The following FOXP2 variants were observed in gnomAD, a reference collection of about 807,000 sequenced individuals.
FOXP2 encodes the protein forkhead box P2.
FOXP2 carries 12 observed loss-of-function variants against 115.8 expected under a neutral mutation model. That is an observed-to-expected ratio of 0.10 (90% CI 0.07 to 0.17). FOXP2 has a LOEUF of 0.17. Among genes scored for constraint, FOXP2 ranks in the 10% least tolerant of loss-of-function variants. FOXP2 has a pLI of 1.00. For synonymous variants in FOXP2, 328 were observed against 297.7 expected (o/e 1.10, Z -1.05); for missense variants, 629 against 843.5 (o/e 0.75, Z 3.15).
intron 1 of FOXP2, among the ~76,000 whole-genome samples, chr7:114,102,211 A>G (rs556646482): frequency 4.1e-4 from 62 of 151,710 alleles, no homozygotes; most frequent in African/African-American, 1.4e-3. Context: ...TTCTTTGGAT[A>G]TTTTCTAATT....
At chr7:114,408,559 T>G (rs1178310579) in intron 2 of FOXP2, among the ~76,000 whole-genome samples, 1 of 152,000 alleles carries the variant, frequency 6.6e-6, no homozygotes, top group Admixed American at 6.6e-5. Context: ...AAACCCTGTC[T>G]CTACGAAAAA....
Position 114,664,385 on chromosome 7 carries a change from A to G in FOXP2, c.1952A>G (p.His651Arg), listed in dbSNP as rs1459605752. Residue 651 changes from histidine to arginine, a missense_variant, in exon 16 of 17, where the codon CAC becomes CGC. Physicochemically the swap from His to Arg is conservative, Grantham distance 29 (BLOSUM62 0). Transcript: ENST00000350908. ...GAAGACCTCAATGGTTCTCTGGATCACATTGACAGCAATGGAAACAGTAGT... is the reference window on the plus strand; with the variant it reads ...GAAGACCTCAATGGTTCTCTGGATCGCATTGACAGCAATGGAAACAGTAGT... Reference protein sequence around the residue: ...VHEDLNGSLDHIDSNGNSSPG... With the variant: ...VHEDLNGSLDRIDSNGNSSPG... The G allele has an allele frequency of 6.2e-7, 1 of 1,613,624 alleles. No individual in the cohort carries two copies. The highest frequency in any genetic ancestry group is 8.5e-7 in the Non-Finnish European group (1 of 1,179,696).
intron 1 of FOXP2, among the ~76,000 whole-genome samples, chr7:114,253,736 C>G (rs1232022587): frequency 6.6e-6 from 1 of 152,272 alleles, no homozygotes; most frequent in East Asian, 1.9e-4. Flanking sequence ...TGGGTCTTGA[C>G]TCTTTATCCA....
At chr7:114,258,456 G>A (rs140184097) in intron 1 of FOXP2, among the ~76,000 whole-genome samples, 64 of 152,258 alleles carry the variant, frequency 4.2e-4, no homozygotes, top group African/African-American at 1.4e-3. Context: ...GATTAGAGCT[G>A]TGGTCTAGGC....
intron 9 of FOXP2, chr7:114,653,354 C>G (rs772961966): frequency 6.3e-6 from 1 of 159,992 alleles, no homozygotes; most frequent in Non-Finnish European, 1.4e-5. Flanking sequence ...AAGTAAGGTC[C>G]GTCAGTTGTA....
intron 10 of FOXP2, chr7:114,656,499 A>C (rs1427916512): frequency 2.2e-6 from 1 of 454,228 alleles, no homozygotes; most frequent in African/African-American, 2.0e-5. Flanking sequence ...CAAACTATGC[A>C]GAGGTGCTCT....
At chr7:114,552,654 T>G (rs1353196867) in intron 3 of FOXP2, among the ~76,000 whole-genome samples, 1 of 152,164 alleles carries the variant, frequency 6.6e-6, no homozygotes, top group East Asian at 1.9e-4. Context: ...AAAAGTGAAA[T>G]TTGTTGTTGG....
chr7:114,502,233 A>G (rs1213771637), intron 2 of FOXP2, among the ~76,000 whole-genome samples: 1 of 152,096 alleles, frequency 6.6e-6, no homozygotes, highest in Non-Finnish European at 1.5e-5. Flanking sequence ...TAAAAAGGAA[A>G]TTTTGTTCTT....
At chr7:114,615,493 G>A (rs1584954114) in intron 3 of FOXP2, among the ~76,000 whole-genome samples, 1 of 152,072 alleles carries the variant, frequency 6.6e-6, no homozygotes, top group African/African-American at 2.4e-5. Context: ...TAGACTCATG[G>A]TTTTCTTCTT....
intron 1 of FOXP2, among the ~76,000 whole-genome samples, chr7:114,089,519 T>C (rs1275565360): frequency 6.6e-6 from 1 of 152,062 alleles, no homozygotes; most frequent in Non-Finnish European, 1.5e-5. Context: ...ATATTGTTTT[T>C]ATATAATTTA....
chr7:114,599,960 C>T lies in FOXP2; in HGVS notation c.259-28580C>T, dbSNP rs143179953. Among the ~76,000 whole-genome samples, 70 of 152,194 alleles carry T rather than the reference C, an allele frequency of 4.6e-4. No homozygotes were observed. The East Asian group carries it at 0.012, about 25-fold the overall frequency. On this transcript the variant is annotated intron_variant, in intron 3 of 16. Coordinates refer to ENST00000350908, the MANE Select transcript of FOXP2 (RefSeq NM_014491.4). ...CTCTTCCACTCCCCACCCTCAGTTT[C>T]CCCTGTTACTGGCATCTTGCACTGG... is the stretch of plus-strand genomic sequence containing the variant.
rs562278197 is a variant in FOXP2, at chr7:114,308,737, A to G, written c.-11+20628A>G. Among the ~76,000 whole-genome samples the G allele has an allele frequency of 1.1e-4, 16 of 152,286 alleles. No individual in the cohort carries two copies. In the South Asian group the frequency reaches 3.3e-3, roughly 32 times the overall value. On this transcript the variant is annotated intron_variant, in intron 2 of 17. Transcript: ENST00000634411. ...CTATTGTAGGGTGATCTTTGCAATAAAAGATGTAGAATTGTCCATCTGTAG... is the reference window on the plus strand; with the variant it reads ...CTATTGTAGGGTGATCTTTGCAATAGAAGATGTAGAATTGTCCATCTGTAG...
chr7:114,224,020 T>C (rs1247887830), intron 1 of FOXP2, among the ~76,000 whole-genome samples: 1 of 152,112 alleles, frequency 6.6e-6, no homozygotes, highest in Admixed American at 6.6e-5. Context: ...TTGTGGATAG[T>C]GTAATCAGAA....
intron 2 of FOXP2, among the ~76,000 whole-genome samples, chr7:114,296,876 T>C (rs183036710): frequency 3.9e-4 from 60 of 152,324 alleles, no homozygotes; most frequent in African/African-American, 1.4e-3. Context: ...TTATAAAGAT[T>C]CTGTCACATT....
At chr7:114,389,545 T>G (rs1025296472) in intron 2 of FOXP2, among the ~76,000 whole-genome samples, 3 of 152,050 alleles carry the variant, frequency 2.0e-5, no homozygotes, top group Admixed American at 6.6e-5. Flanking sequence ...AACATAGGAC[T>G]TTTTTTTCAT....
chr7:114,467,760 TC>T (rs1795874508), intron 2 of FOXP2, among the ~76,000 whole-genome samples: 1 of 152,194 alleles, frequency 6.6e-6, no homozygotes, highest in South Asian at 2.1e-4. Flanking sequence ...GAAGATACTT[TC>T]TTATTATTAA....
intron 2 of FOXP2, among the ~76,000 whole-genome samples, chr7:114,431,648 T>C (rs1385469138): frequency 6.6e-6 from 1 of 151,966 alleles, no homozygotes; most frequent in Admixed American, 6.6e-5. Context: ...GTAATTTGTA[T>C]TTTTTGGTTG....
At chr7:114,540,118 T>C (rs1435495144) in intron 3 of FOXP2, among the ~76,000 whole-genome samples, 1 of 152,042 alleles carries the variant, frequency 6.6e-6, no homozygotes, top group Non-Finnish European at 1.5e-5. Context: ...TTCTATATCA[T>C]AGCATTTGGC....
chr7:114,641,160 T>C (rs1225254738), intron 6 of FOXP2, among the ~76,000 whole-genome samples: 1 of 152,222 alleles, frequency 6.6e-6, no homozygotes, highest in Admixed American at 6.5e-5. Flanking sequence ...TCTCTCTTAG[T>C]TTGTTTCCTT....
Sources: allele counts gnomAD v4.1 joint callset (sites outside exome capture counted in the v4.1 genomes callset), GRCh38; gene constraint gnomAD v4.1.1; transcripts MANE v1.5; gene names NCBI Gene and HGNC (gene_info 2026-07-23, HGNC 2026-07-21).